DNAI3: variants seen among roughly 807,000 people sequenced by gnomAD.
DNAI3 encodes the protein dynein axonemal intermediate chain 3.
A neutral mutation model predicts 115.5 loss-of-function variants in DNAI3; 83 were observed. That is an observed-to-expected ratio of 0.72 (90% CI 0.60 to 0.86). DNAI3 has a LOEUF of 0.86. Among genes scored for constraint, DNAI3 ranks in the 40% least tolerant of loss-of-function variants. The pLI is 0.00. For missense variants in DNAI3, 1,004 were observed against 1,075.8 expected (o/e 0.93, Z 0.93); for synonymous variants, 320 against 347.0 (o/e 0.92, Z 0.86).
chr1:85,071,920 T>G lies in DNAI3; in HGVS notation c.-14-8T>G. On this transcript the variant is annotated splice_polypyrimidine_tract_variant and splice_region_variant and intron_variant, in intron 1 of 22. Transcript: ENST00000294664. Reference sequence around the variant, plus strand: ...ACAATTTACTAATAATATCATCTCTTTATGCAGCCCAAGTCAGAACCATGG... The same window carrying G: ...ACAATTTACTAATAATATCATCTCTGTATGCAGCCCAAGTCAGAACCATGG... 1 of 1,601,322 alleles carries G rather than the reference T, an allele frequency of 6.2e-7. No individual in the cohort carries two copies. The highest frequency in any genetic ancestry group is 1.1e-5 in the South Asian group (1 of 87,318).
intron 8 of DNAI3, among the ~76,000 whole-genome samples, chr1:85,092,196 A>T: frequency 6.6e-6 from 1 of 152,170 alleles, no homozygotes; most frequent in Non-Finnish European, 1.5e-5. Flanking sequence ...TCACTGGATC[A>T]CACTTTAAGT....
At chr1:85,090,594 G>A (rs1654942475) in intron 8 of DNAI3, among the ~76,000 whole-genome samples, 1 of 152,092 alleles carries the variant, frequency 6.6e-6, no homozygotes, top group Non-Finnish European at 1.5e-5. Context: ...AGAATGCTGT[G>A]GCCATTATTA....
intron 15 of DNAI3, among the ~76,000 whole-genome samples, chr1:85,109,201 T>C (rs1655583905): frequency 6.6e-6 from 1 of 152,216 alleles, no homozygotes; most frequent in Admixed American, 6.5e-5. Flanking sequence ...GGACAAGATA[T>C]GTGTGGAAAA....
At chr1:85,080,987 A>G (rs1654618078) in intron 3 of DNAI3, among the ~76,000 whole-genome samples, 1 of 152,196 alleles carries the variant, frequency 6.6e-6, no homozygotes, top group African/African-American at 2.4e-5. Flanking sequence ...AAAATAAAAC[A>G]AAATATTAAT....
intron 16 of DNAI3, among the ~76,000 whole-genome samples, chr1:85,116,356 G>A (rs774484433): frequency 4.6e-5 from 7 of 152,170 alleles, no homozygotes; most frequent in East Asian, 1.9e-4. Context: ...TACATTTATC[G>A]CACCTTTGCC....
intron 13 of DNAI3, among the ~76,000 whole-genome samples, chr1:85,101,862 TGATTGACA>T (rs1298547365): frequency 6.7e-6 from 1 of 150,002 alleles, no homozygotes; most frequent in East Asian, 1.9e-4. Context: ...CAGAAAGGAA[TGATTGACA>T]GATTCAAAAT....
chr1:85,128,696 T>A lies in DNAI3; in HGVS notation c.2318-12T>A. 2 of 1,599,482 alleles carry A rather than the reference T, an allele frequency of 1.3e-6. No individual in the cohort carries two copies. The highest frequency in any genetic ancestry group is 3.3e-4 in the Middle Eastern group (2 of 5,996). Reference sequence around the variant, plus strand: ...GCTGATTTTTTCCTCCCATTTATTTTAAAATTTTCAGCTAAACAGCAATTT... The same window carrying A: ...GCTGATTTTTTCCTCCCATTTATTTAAAAATTTTCAGCTAAACAGCAATTT... On this transcript the variant is annotated splice_polypyrimidine_tract_variant and intron_variant, in intron 20 of 22. Transcript: ENST00000294664.
intron 17 of DNAI3, among the ~76,000 whole-genome samples, chr1:85,119,889 A>G (rs1036972551): frequency 2.6e-5 from 4 of 152,096 alleles, no homozygotes; most frequent in Admixed American, 2.0e-4. Context: ...TAGTAAAGAC[A>G]GTGTTTCACC....
At position 85,093,598 on chromosome 1, in the gene DNAI3, G is replaced by C. The variant is rs1008471971; in HGVS notation, c.998G>C (p.Ser333Thr). 8 of 1,614,044 alleles carry C rather than the reference G, an allele frequency of 5.0e-6. No individual in the cohort carries two copies. The African/African-American group carries it at 8.0e-5, about 16-fold the overall frequency. Residue 333 changes from serine to threonine, a missense_variant, in exon 9 of 23, where the codon AGC (serine) becomes ACC (threonine). By Grantham distance (58) the Ser-to-Thr change is moderately conservative. Transcript: ENST00000294664. ...TACCAGTCCTTTACCGACCTTCATA[G>C]CCCAACGGAGAAAATGATTACCTGT... is the stretch of plus-strand genomic sequence containing the variant. Reference protein sequence around the residue: ...KEYQSFTDLHSPTEKMITCVS... With the variant: ...KEYQSFTDLHTPTEKMITCVS...
At position 85,084,636 on chromosome 1, in the gene DNAI3, G is replaced by A. The variant is rs764729197; in HGVS notation, c.481G>A (p.Val161Ile). Residue 161 changes from valine to isoleucine, a missense_variant, in exon 6 of 23, where the codon GTT becomes ATT. This residue lies in a region of DNAI3 where 550 missense variants were observed against 568.1 expected (regional missense o/e 0.97). Coordinates refer to ENST00000294664, the MANE Select transcript of DNAI3 (RefSeq NM_145172.5). ...TAAACCACCTGTCTCTAAACCATGG[G>A]TTTCTTTGGGCAGTGAAAAAGAAAT... Reference protein sequence around the residue: ...IYKPPVSKPWVSLGSEKEIEE... With the variant: ...IYKPPVSKPWISLGSEKEIEE... 10 of 1,569,770 alleles carry A rather than the reference G, an allele frequency of 6.4e-6. No homozygotes were observed. The highest frequency in any genetic ancestry group is 1.7e-4 in the Middle Eastern group (1 of 5,948).
chr1:85,081,121 A>G (rs1246176500), intron 3 of DNAI3, 113 bp from the exon 4 acceptor site: 5 of 815,574 alleles, frequency 6.1e-6, no homozygotes, highest in Non-Finnish European at 8.9e-6. Flanking sequence ...AATAATTTTA[A>G]AGTCTTAAAA....
chr1:85,133,075 C>T lies in DNAI3; in HGVS notation c.*77C>T. 1 of 1,432,264 alleles carries T rather than the reference C, an allele frequency of 7.0e-7. No individual in the cohort carries two copies. Among genetic ancestry groups the T allele is most frequent in the Non-Finnish European group, 9.4e-7 (1 of 1,063,730 alleles). 88.7% of individuals were successfully genotyped at this position (1,432,264 alleles called of 1,614,324 possible). ...ATGTCAGGTGAACTGGCATGCTGAA[C>T]ATATATATATATAGGCTCATTTATA... is the stretch of plus-strand genomic sequence containing the variant. On this transcript the variant is annotated 3_prime_UTR_variant, in exon 23 of 23. Transcript: ENST00000294664.
intron 17 of DNAI3, among the ~76,000 whole-genome samples, chr1:85,120,482 T>C (rs564492911): frequency 4.3e-4 from 65 of 152,338 alleles, no homozygotes; most frequent in African/African-American, 1.4e-3. Context: ...AGGTGACTGA[T>C]GATACGATGA....
chr1:85,087,220 G>A lies in DNAI3; in HGVS notation c.740+1190G>A, dbSNP rs1055926750. Among the ~76,000 whole-genome samples the A allele has an allele frequency of 9.2e-5, 14 of 151,928 alleles. No individual in the cohort carries two copies. The South Asian group carries it at 2.7e-3, about 29-fold the overall frequency. Reference sequence around the variant, plus strand: ...TGGGAGGCTGAGGTGGGCTGATCACGAGGTCAAGAGATCGAGACCATCCTG... The same window carrying A: ...TGGGAGGCTGAGGTGGGCTGATCACAAGGTCAAGAGATCGAGACCATCCTG... On this transcript the variant is annotated intron_variant, in intron 7 of 22. Coordinates refer to ENST00000294664, the MANE Select transcript of DNAI3 (RefSeq NM_145172.5).
chr1:85,084,673 C>T lies in DNAI3; in HGVS notation c.518C>T (p.Ser173Leu), dbSNP rs2100570778. The T allele has an allele frequency of 2.6e-6, 4 of 1,536,654 alleles. No individual in the cohort carries two copies. In the South Asian group the frequency reaches 3.8e-5, roughly 15 times the overall value. ...AGTGAAAAAGAAATTGAGGAAGAAT[C>T]AGTTACGGAATCTACAAAGCAGGTT... is the stretch of plus-strand genomic sequence containing the variant. ...LGSEKEIEEE[S>L]VTESTKQITY... The change falls in exon 6 of 23, where the codon TCA (serine) becomes TTA (leucine). Residue 173 changes from serine to leucine, a missense_variant. Transcript: ENST00000294664.
At position 85,092,479 on chromosome 1, in the gene DNAI3, G is replaced by A. The variant is rs2100579448; in HGVS notation, c.858-979G>A. On this transcript the variant is annotated intron_variant, in intron 8 of 22. Coordinates refer to ENST00000294664, the MANE Select transcript of DNAI3 (RefSeq NM_145172.5). ...ACCAAGAAGTTTACAGTTTTGATCAGTAGGGTAAAACCTTGGGTGGCATTC... is the reference window on the plus strand; with the variant it reads ...ACCAAGAAGTTTACAGTTTTGATCAATAGGGTAAAACCTTGGGTGGCATTC... 3.9e-5 allele frequency among the ~76,000 whole-genome samples: 6 copies of A among 152,194 alleles called. 1 individual carries two copies. In the Middle Eastern group the frequency reaches 0.02, roughly 518 times the overall value.
intron 13 of DNAI3, among the ~76,000 whole-genome samples, chr1:85,101,672 G>A (rs994241149): frequency 7.1e-4 from 91 of 127,944 alleles, no homozygotes; most frequent in African/African-American, 2.6e-3. Flanking sequence ...AGCTTGCAGT[G>A]AGCCGAGATC....
intron 16 of DNAI3, among the ~76,000 whole-genome samples, chr1:85,110,866 A>G (rs1469145125): frequency 6.6e-6 from 1 of 152,198 alleles, no homozygotes; most frequent in East Asian, 1.9e-4. Flanking sequence ...TTTTAAAAAT[A>G]ATATTTATAT....
At position 85,118,865 on chromosome 1, in the gene DNAI3, GT is replaced by G. The variant is rs573097962; in HGVS notation, c.1917+1008del. Among the ~76,000 whole-genome samples, 62 of 152,102 alleles carry G rather than the reference GT, an allele frequency of 4.1e-4. 1 individual carries two copies. The South Asian group carries it at 9.1e-3, about 22-fold the overall frequency. On this transcript the variant is annotated intron_variant, in intron 17 of 22. Transcript: ENST00000294664. Reference sequence around the variant, plus strand: ...GTTGAGAAGGAATCTCAAAGGTCAGGTTGAGAGTAGAATTCCAAGCAGAAGT... The same window carrying G: ...GTTGAGAAGGAATCTCAAAGGTCAGGTGAGAGTAGAATTCCAAGCAGAAGT...
Sources: allele counts gnomAD v4.1 joint callset (sites outside exome capture counted in the v4.1 genomes callset), GRCh38; gene constraint gnomAD v4.1.1; regional missense constraint gnomAD v4.1.1; transcripts MANE v1.5; gene names NCBI Gene and HGNC (gene_info 2026-07-23, HGNC 2026-07-21).